Variants in MYT1 observed in about 807,000 individuals in gnomAD.
The protein encoded by MYT1 is myelin transcription factor 1, also known as myelin transcription factor I.
A neutral mutation model predicts 123.0 loss-of-function variants in MYT1; 23 were observed. The observed-to-expected ratio is 0.19, with a 90% CI of 0.13 to 0.26. The LOEUF (loss-of-function observed/expected upper bound fraction) is 0.26. MYT1 is among the 10% of genes least tolerant of loss of function. The pLI, the probability that MYT1 is intolerant of heterozygous loss-of-function variation, is 1.00. For missense variants in MYT1, 1,125 were observed against 1,472.5 expected (o/e 0.76, Z 3.86); for synonymous variants, 518 against 575.3 (o/e 0.90, Z 1.43).
chr20:64,227,286 G>A (rs1392663611), intron 16 of MYT1, 129 bp from the exon 17 acceptor site: 26 of 745,178 alleles, frequency 3.5e-5, no homozygotes, highest in Admixed American at 1.1e-4. Context: ...GCTCCTCTGC[G>A]GACAAGGGAA....
Position 64,218,859 on chromosome 20 carries a change from A to G in MYT1, c.1847-52A>G. The G allele has an allele frequency of 1.9e-6, 3 of 1,611,492 alleles. No individual in the cohort carries two copies. Among genetic ancestry groups the G allele is most frequent in the Non-Finnish European group, 1.7e-6 (2 of 1,179,880 alleles). On this transcript the variant is annotated intron_variant, in intron 11 of 22. Coordinates refer to ENST00000328439, the MANE Select transcript of MYT1 (RefSeq NM_004535.3). This position sits in a 1 kb window ranked among gnomAD's most constrained non-coding sequence, Gnocchi z 4.0. The stretch of plus-strand genomic sequence containing the variant: ...ACCTTTCCCAAAGGCCTCTTCCCCC[A>G]GGCACAGCCCCTCCAGTAGTTATGT...
In MYT1 at chr20:64,212,979, C is replaced by T. The variant is rs896085293; in HGVS notation, c.1518-555C>T. 6.6e-6 allele frequency among the ~76,000 whole-genome samples: 1 copy of T among 152,174 alleles called. No homozygotes were observed. Among genetic ancestry groups the T allele is most frequent in the Non-Finnish European group, 1.5e-5 (1 of 68,024 alleles). On this transcript the variant is annotated intron_variant, in intron 9 of 22. Transcript: ENST00000328439. The surrounding 1 kb of genome is among the most constrained non-coding windows in gnomAD (Gnocchi z 6.8). ...CTCCCTGGGCTGGCTGAGGGACTGGCGCTGGAGCTCACAGTTAACTTTATT... is the reference window on the plus strand; with the variant it reads ...CTCCCTGGGCTGGCTGAGGGACTGGTGCTGGAGCTCACAGTTAACTTTATT...
rs1185483369 is a variant in MYT1, at chr20:64,189,126, G to A, written c.-98-937G>A. 6.6e-6 allele frequency among the ~76,000 whole-genome samples: 1 copy of A among 152,242 alleles called. No homozygotes were observed. The highest frequency in any genetic ancestry group is 2.4e-5 in the African/African-American group (1 of 41,462). ...GTGGCCAGAACCCTAGAGAAGAATT[G>A]CATTTGGGGATGCACATCAAAAACA... On this transcript the variant is annotated intron_variant, in intron 1 of 22. Transcript: ENST00000328439. The surrounding 1 kb of genome is among the most constrained non-coding windows in gnomAD (Gnocchi z 5.5).
Position 64,199,933 on chromosome 20 carries a change from C to G in MYT1, c.86+11C>G. 1 of 1,613,832 alleles carries G rather than the reference C, an allele frequency of 6.2e-7. No homozygotes were observed. Among genetic ancestry groups the G allele is most frequent in the Non-Finnish European group, 8.5e-7 (1 of 1,179,692 alleles). ...AGCTGCAGACCTCAGGTAAGGAAGT[C>G]TTCCTGTTAGCACCAAGCATCGTCT... On this transcript the variant is annotated intron_variant, in intron 4 of 22. Transcript: ENST00000328439.
chr20:64,185,210 G>A lies in MYT1; in HGVS notation c.-98-4853G>A, dbSNP rs919333497. 2.2e-4 allele frequency among the ~76,000 whole-genome samples: 34 copies of A among 152,324 alleles called. No homozygotes were observed. Among genetic ancestry groups the A allele is most frequent in the African/African-American group, 7.7e-4 (32 of 41,578 alleles). ...ATATTCCAGAAGAATGGAGGGAAGA[G>A]TTGATATTCCTGGGAACTTTCATTG... On this transcript the variant is annotated intron_variant, in intron 1 of 22. Coordinates refer to ENST00000328439, the MANE Select transcript of MYT1 (RefSeq NM_004535.3). The surrounding 1 kb of genome is among the most constrained non-coding windows in gnomAD (Gnocchi z 4.5).
At chr20:64,176,923 C>T (rs1281300145) in intron 1 of MYT1, among the ~76,000 whole-genome samples, 2 of 152,188 alleles carry the variant, frequency 1.3e-5, no homozygotes, top group Non-Finnish European at 2.9e-5. Context: ...TACTGCAGAG[C>T]AGTTTAGCTG....
chr20:64,234,895 CA>C (rs1984457925), intron 19 of MYT1, among the ~76,000 whole-genome samples: 1 of 146,196 alleles, frequency 6.8e-6, no homozygotes, highest in Non-Finnish European at 1.5e-5. Context: ...TGGTGGGTGA[CA>C]CTGGGCTGGT....
chr20:64,198,119 A>G (rs1207473766), intron 2 of MYT1, among the ~76,000 whole-genome samples: 1 of 151,798 alleles, frequency 6.6e-6, no homozygotes, highest in Admixed American at 6.6e-5. Context: ...CCCCGTCTCT[A>G]CTAAAAAAAT....
rs1266040568 is a variant in MYT1 at position 64,208,344 on chromosome 20, A to G, written c.1148A>G (p.Gln383Arg). ...MTRGNLGLLE[Q>R]AIALKAEQVR... ...CGGGGAAACCTGGGCCTCCTGGAGC[A>G]GGCCATCGCCCTGAAGGCTGAACAG... The change falls in exon 7 of 23, where the codon CAG (glutamine) becomes CGG (arginine). Residue 383 changes from glutamine to arginine, a missense_variant. Gln to Arg is a conservative substitution (Grantham distance 43, BLOSUM62 1). This residue lies in a region of MYT1 where 429 missense variants were observed against 604.1 expected (regional missense o/e 0.71). Transcript: ENST00000328439. This position sits in a 1 kb window ranked among gnomAD's most constrained non-coding sequence, Gnocchi z 5.4. 4 of 1,614,062 alleles carry G rather than the reference A, an allele frequency of 2.5e-6. No homozygotes were observed. Among genetic ancestry groups the G allele is most frequent in the Non-Finnish European group, 3.4e-6 (4 of 1,180,038 alleles).
At chr20:64,194,859 C>A (rs890295383) in intron 2 of MYT1, among the ~76,000 whole-genome samples, 1 of 152,136 alleles carries the variant, frequency 6.6e-6, no homozygotes, top group Non-Finnish European at 1.5e-5. Context: ...AGGTTAGACA[C>A]GAGTGGTTTG....
chr20:64,200,172 T>C (rs2253857), intron 4 of MYT1, among the ~76,000 whole-genome samples: 144,039 of 152,292 alleles, frequency 0.95, 68,456 homozygotes, highest in Middle Eastern at 1. Context: ...CGGATGTGCC[T>C]ACACCTGGTC....
rs948464662 is a variant in MYT1 at position 64,231,323 on chromosome 20, C to T, written c.2676-841C>T. 6.6e-6 allele frequency among the ~76,000 whole-genome samples: 1 copy of T among 152,198 alleles called. No homozygotes were observed. Among genetic ancestry groups the T allele is most frequent in the Admixed American group, 6.5e-5 (1 of 15,282 alleles). Reference sequence around the variant, plus strand: ...TCCCCAAGTCCTGGTCCAGGTCCTTCCCTGAGGCAGTGGGGACAGACACTC... The same window carrying T: ...TCCCCAAGTCCTGGTCCAGGTCCTTTCCTGAGGCAGTGGGGACAGACACTC... On this transcript the variant is annotated intron_variant, in intron 18 of 22. Coordinates refer to ENST00000328439, the MANE Select transcript of MYT1 (RefSeq NM_004535.3). This position sits in a 1 kb window ranked among gnomAD's most constrained non-coding sequence, Gnocchi z 6.4.
Position 64,212,806 on chromosome 20 carries a change from A to T in MYT1, c.1517+668A>T, listed in dbSNP as rs6062666. ...TGGTCTTCTATGGTGAGGGGGGACT[A>T]CTCCTCCAGCCTTACCCTAAGTGCC... On this transcript the variant is annotated intron_variant, in intron 9 of 22. Transcript: ENST00000328439. This position sits in a 1 kb window ranked among gnomAD's most constrained non-coding sequence, Gnocchi z 6.8. Among the ~76,000 whole-genome samples, 20,145 of 149,500 alleles carry T rather than the reference A, an allele frequency of 0.13. 1,403 individuals carry two copies. Among genetic ancestry groups the T allele is most frequent in the South Asian group, 0.18 (824 of 4,682 alleles).
At chr20:64,187,304 A>C (rs1475727224) in intron 1 of MYT1, among the ~76,000 whole-genome samples, 7 of 116,426 alleles carry the variant, frequency 6.0e-5, no homozygotes, top group Admixed American at 1.8e-4. Flanking sequence ...TTCCTGTAGC[A>C]CGTGGCTCCG....
At chr20:64,235,002 C>CT (rs1000276873) in intron 19 of MYT1, among the ~76,000 whole-genome samples, 1 of 140,056 alleles carries the variant, frequency 7.1e-6, no homozygotes, top group Admixed American at 7.1e-5. Flanking sequence ...ACTGGGCTGG[C>CT]TGTGGTGGGT....
chr20:64,231,314 C>G lies in MYT1; in HGVS notation c.2676-850C>G, dbSNP rs1984313683. On this transcript the variant is annotated intron_variant, in intron 18 of 22. Transcript: ENST00000328439. The surrounding 1 kb of genome is among the most constrained non-coding windows in gnomAD (Gnocchi z 6.4). ...TCCCTCAGCTCCCCAAGTCCTGGTCCAGGTCCTTCCCTGAGGCAGTGGGGA... is the reference window on the plus strand; with the variant it reads ...TCCCTCAGCTCCCCAAGTCCTGGTCGAGGTCCTTCCCTGAGGCAGTGGGGA... Among the ~76,000 whole-genome samples, 1 of 152,214 alleles carries G rather than the reference C, an allele frequency of 6.6e-6. No individual in the cohort carries two copies. Among genetic ancestry groups the G allele is most frequent in the Admixed American group, 6.5e-5 (1 of 15,290 alleles).
At chr20:64,170,566 G>T (rs1982221605) in intron 1 of MYT1, among the ~76,000 whole-genome samples, 1 of 151,972 alleles carries the variant, frequency 6.6e-6, no homozygotes, top group Admixed American at 6.5e-5. Flanking sequence ...TCTTGAGGTT[G>T]AGCCCTGCCT....
At position 64,166,872 on chromosome 20, in the gene MYT1, C is replaced by G. The variant is rs1002674868; in HGVS notation, c.-99+2133C>G. Among the ~76,000 whole-genome samples the G allele has an allele frequency of 6.6e-6, 1 of 152,270 alleles. No individual in the cohort carries two copies. The highest frequency in any genetic ancestry group is 2.1e-4 in the South Asian group (1 of 4,820). On this transcript the variant is annotated intron_variant, in intron 1 of 22. Transcript: ENST00000328439. This position sits in a 1 kb window ranked among gnomAD's most constrained non-coding sequence, Gnocchi z 4.9. ...GAGGCTGGCAGAGGGTATGCGGCCA[C>G]GGGGGTGCATGCTGGGCAGCTCTGG...
intron 1 of MYT1, among the ~76,000 whole-genome samples, chr20:64,181,911 G>T (rs775420740): frequency 3.0e-4 from 46 of 152,216 alleles, no homozygotes; most frequent in Non-Finnish European, 5.9e-4. Flanking sequence ...ATGTCTGGGG[G>T]TGTAGCCTGG....
Sources: gnomAD v4.1 joint callset for allele counts (sites outside exome capture counted in the v4.1 genomes callset) on GRCh38, gnomAD v4.1.1 for gene constraint, gnomAD v4.1.1 regional missense constraint, Gnocchi (gnomAD v3.1) non-coding constraint, MANE v1.5 for transcripts, NCBI Gene and HGNC (gene_info 2026-07-23, HGNC 2026-07-21) for gene names.